TRHDE: variants seen among roughly 807,000 people sequenced by gnomAD.
TRHDE encodes the protein thyrotropin releasing hormone degrading enzyme.
Under a neutral mutation model 125.7 loss-of-function variants are expected in TRHDE, and 72 were observed. That is an observed-to-expected ratio of 0.57 (90% CI 0.47 to 0.70). TRHDE has a LOEUF of 0.70. Ranked by LOEUF, TRHDE falls within the 30% of genes least tolerant of loss-of-function variation. The probability of loss-of-function intolerance (pLI) is 0.00; values close to 1 mark genes in which losing one functional copy is unlikely to be tolerated. For missense variants in TRHDE, 1,110 were observed against 1,327.1 expected, an observed-to-expected ratio of 0.84 and a Z score of 2.54; for synonymous variants, 509 against 509.1, an observed-to-expected ratio of 1.00 and a Z score of 0.00.
chr12:72,360,620 G>A (rs975156595), intron 2 of TRHDE, among the ~76,000 whole-genome samples: 8 of 151,624 alleles, frequency 5.3e-5, no homozygotes, highest in Non-Finnish European at 1.2e-4. Context: ...GGCTTGTACT[G>A]GTAAGATGTA....
chr12:72,372,530 G>A (rs1478663308), intron 2 of TRHDE, among the ~76,000 whole-genome samples: 10 of 152,100 alleles, frequency 6.6e-5, no homozygotes, highest in Non-Finnish European at 1.0e-4. Context: ...TAGGTCTAAC[G>A]TTTAAGTCTG....
chr12:72,506,126 C>T (rs1878347995), intron 6 of TRHDE, among the ~76,000 whole-genome samples: 1 of 152,172 alleles, frequency 6.6e-6, no homozygotes, highest in South Asian at 2.1e-4. Context: ...TAGTGAGACT[C>T]TGTCTCTACA....
At chr12:72,600,092 A>G (rs1250508701) in intron 12 of TRHDE, among the ~76,000 whole-genome samples, 1 of 151,836 alleles carries the variant, frequency 6.6e-6, no homozygotes, top group East Asian at 1.9e-4. Flanking sequence ...ATTCTGTTCC[A>G]TTGGTCTGTG....
chr12:72,089,943 A>T (rs1363661919), intron 1 of TRHDE, among the ~76,000 whole-genome samples: 2 of 152,198 alleles, frequency 1.3e-5, no homozygotes, highest in African/African-American at 2.4e-5. Context: ...ATGATGGATG[A>T]CTAAAGATAA....
chr12:72,205,493 AC>A (rs1388797143), intron 2 of TRHDE, among the ~76,000 whole-genome samples: 3 of 152,138 alleles, frequency 2.0e-5, no homozygotes, highest in Admixed American at 2.0e-4. Context: ...CTTTATACCC[AC>A]TGAAAAACAA....
chr12:72,335,732 G>A lies in TRHDE; in HGVS notation c.1189-42263G>A, dbSNP rs116291816. ...GAGTAAAATATTTCCCAGAAATTGTGGCAACAATTCAGAATGTTGATTTAT... is the reference window on the plus strand; with the variant it reads ...GAGTAAAATATTTCCCAGAAATTGTAGCAACAATTCAGAATGTTGATTTAT... On this transcript the variant is annotated intron_variant, in intron 2 of 18. Coordinates refer to ENST00000261180, the MANE Select transcript of TRHDE (RefSeq NM_013381.3). 6.2e-3 allele frequency among the ~76,000 whole-genome samples: 937 copies of A among 152,220 alleles called. 11 individuals carry two copies. The highest frequency in any genetic ancestry group is 0.021 in the African/African-American group (882 of 41,522).
At chr12:72,529,014 C>T (rs1868407515) in intron 6 of TRHDE, among the ~76,000 whole-genome samples, 2 of 151,844 alleles carry the variant, frequency 1.3e-5, no homozygotes, top group African/African-American at 4.8e-5. Context: ...TTAAAAGTTA[C>T]CTCGAGTGTC....
chr12:72,414,453 A>T (rs1343523661), intron 3 of TRHDE, among the ~76,000 whole-genome samples: 4 of 152,160 alleles, frequency 2.6e-5, no homozygotes, highest in Non-Finnish European at 5.9e-5. Context: ...AAGAAGGATT[A>T]AAAAGACATT....
At position 72,273,921 on chromosome 12, in the gene TRHDE, T is replaced by G; in HGVS notation, c.914+364T>G. On this transcript the variant is annotated intron_variant, in intron 1 of 18. Coordinates refer to ENST00000261180, the MANE Select transcript of TRHDE (RefSeq NM_013381.3). The surrounding 1 kb of genome is among the most constrained non-coding windows in gnomAD (Gnocchi z 5.3). ...GAGTGACATGAAAAGCTTGCCAAGT[T>G]ACTGTCGAGGGAAAATACGTGGCGC... is the stretch of plus-strand genomic sequence containing the variant. The G allele has an allele frequency of 9.2e-6, 2 of 216,766 alleles. No homozygotes were observed. The highest frequency in any genetic ancestry group is 9.2e-6 in the Non-Finnish European group (1 of 108,186). 13.4% of individuals were successfully genotyped at this position (216,766 alleles called of 1,614,324 possible).
intron 2 of TRHDE, among the ~76,000 whole-genome samples, chr12:72,367,439 T>C (rs73342668): frequency 0.063 from 9,631 of 152,144 alleles, 618 homozygotes; most frequent in African/African-American, 0.15. Flanking sequence ...CCTTCCTCCT[T>C]CCAGCTTCTT....
chr12:72,331,831 AAATG>A (rs1869612885), intron 2 of TRHDE, among the ~76,000 whole-genome samples: 1 of 152,202 alleles, frequency 6.6e-6, no homozygotes, highest in African/African-American at 2.4e-5. Flanking sequence ...CTGGGTTTAG[AAATG>A]ATTTGACCAA....
At chr12:72,438,332 A>G (rs1874838544) in intron 3 of TRHDE, among the ~76,000 whole-genome samples, 1 of 151,716 alleles carries the variant, frequency 6.6e-6, no homozygotes, top group Non-Finnish European at 1.5e-5. Flanking sequence ...TTCTATTTTT[A>G]ATTTTTTGAG....
intron 12 of TRHDE, among the ~76,000 whole-genome samples, chr12:72,610,525 G>A (rs750238369): frequency 2.0e-5 from 3 of 152,104 alleles, no homozygotes; most frequent in East Asian, 1.9e-4. Context: ...AAAAACTTGC[G>A]GTGGCTTTCC....
intron 2 of TRHDE, among the ~76,000 whole-genome samples, chr12:72,212,823 C>T (rs1035309948): frequency 6.6e-5 from 10 of 152,144 alleles, no homozygotes; most frequent in African/African-American, 2.4e-4. Context: ...CCAGTAGTCA[C>T]ACTCCTTGGC....
At chr12:72,248,600 C>A (rs1242229738) in intron 2 of TRHDE, among the ~76,000 whole-genome samples, 1 of 152,034 alleles carries the variant, frequency 6.6e-6, no homozygotes, top group African/African-American at 2.4e-5. Flanking sequence ...GGAAGGAGAA[C>A]AAATGCAGAA....
chr12:72,670,708 T>G lies in TRHDE; in HGVS notation c.*7513T>G, dbSNP rs890476444. ...TGCTATATTGTAAAAATAAAAACAA[T>G]TTGTTCTCCTTTCTAATTATATGCC... On this transcript the variant is annotated 3_prime_UTR_variant, in exon 19 of 19. Transcript: ENST00000261180. 1 of 151,656 alleles carries G rather than the reference T, an allele frequency of 6.6e-6. No homozygotes were observed. The highest frequency in any genetic ancestry group is 6.6e-5 in the Admixed American group (1 of 15,174). 9.4% of individuals were successfully genotyped at this position (151,656 alleles called of 1,614,324 possible). A position where few individuals can be genotyped will look rare whatever the true frequency, so the allele number is the denominator to read the frequency against.
At chr12:72,302,782 A>G (rs1868280911) in intron 2 of TRHDE, among the ~76,000 whole-genome samples, 1 of 152,206 alleles carries the variant, frequency 6.6e-6, no homozygotes, top group Non-Finnish European at 1.5e-5. Flanking sequence ...TTCTAACCAC[A>G]GATCTGCTGA....
chr12:72,395,477 C>T (rs1872752720), intron 3 of TRHDE, among the ~76,000 whole-genome samples: 1 of 152,092 alleles, frequency 6.6e-6, no homozygotes, highest in African/African-American at 2.4e-5. Flanking sequence ...CTTGTTCTTC[C>T]AGTTTTTCTG....
intron 6 of TRHDE, among the ~76,000 whole-genome samples, chr12:72,517,047 A>G (rs1592505071): frequency 6.6e-6 from 1 of 152,018 alleles, no homozygotes. Context: ...TCAGTTTGCC[A>G]GTATTTTATT....
Sources: gnomAD v4.1 joint callset for allele counts (sites outside exome capture counted in the v4.1 genomes callset) on GRCh38, gnomAD v4.1.1 for gene constraint, Gnocchi (gnomAD v3.1) non-coding constraint, MANE v1.5 for transcripts, NCBI Gene and HGNC (gene_info 2026-07-23, HGNC 2026-07-21) for gene names.